SAMD12: variants seen among roughly 807,000 people sequenced by gnomAD.
SAMD12 encodes the protein sterile alpha motif domain containing 12.
SAMD12 carries 9 observed loss-of-function variants against 15.0 expected under a neutral mutation model. The ratio of observed to expected loss-of-function variants is 0.60; its 90% CI spans 0.36 to 1.05. The LOEUF is 1.05. SAMD12 is among the 50% of genes least tolerant of loss of function. SAMD12 has a pLI of 0.01. For synonymous variants in SAMD12, 86 were observed against 90.1 expected (o/e 0.96, Z 0.25); for missense variants, 230 against 234.2 (o/e 0.98, Z 0.12).
At chr8:118,557,014 T>C (rs563399801) in intron 2 of SAMD12, among the ~76,000 whole-genome samples, 54 of 152,036 alleles carry the variant, frequency 3.6e-4, no homozygotes, top group Admixed American at 6.6e-4. Flanking sequence ...TGGGTCCACC[T>C]ACTCATGACA....
intron 2 of SAMD12, among the ~76,000 whole-genome samples, chr8:118,558,684 GA>G (rs1446725482): frequency 2.6e-5 from 4 of 151,894 alleles, no homozygotes; most frequent in African/African-American, 7.3e-5. Context: ...TCAGCCTCCC[GA>G]GTAGCTGGGA....
At chr8:118,595,969 T>A (rs192100494) in intron 1 of SAMD12, among the ~76,000 whole-genome samples, 3 of 152,338 alleles carry the variant, frequency 2.0e-5, no homozygotes, top group African/African-American at 7.2e-5. Flanking sequence ...TTTGGCCATG[T>A]GAATTTGGTC....
the SAMD12 span, among the ~76,000 whole-genome samples, chr8:118,159,519 C>A: frequency 6.6e-6 from 1 of 152,120 alleles, no homozygotes; most frequent in African/African-American, 2.4e-5. Flanking sequence ...GCCCAGTGGG[C>A]CCAAGCAAAA....
At chr8:118,282,826 T>C (rs1427521229) in intron 4 of SAMD12, among the ~76,000 whole-genome samples, 1 of 152,144 alleles carries the variant, frequency 6.6e-6, no homozygotes, top group Non-Finnish European at 1.5e-5. Flanking sequence ...ATATCAGCCA[T>C]AATATTTATA....
the SAMD12 span, among the ~76,000 whole-genome samples, chr8:118,171,153 C>T: frequency 3.9e-5 from 6 of 152,164 alleles, no homozygotes; most frequent in African/African-American, 1.4e-4. Flanking sequence ...GGATGGCTAT[C>T]GTGAAAAGGT....
chr8:118,409,428 C>G (rs919438146), intron 3 of SAMD12, among the ~76,000 whole-genome samples: 8 of 139,490 alleles, frequency 5.7e-5, no homozygotes, highest in African/African-American at 2.1e-4. Flanking sequence ...ATTGAATGTC[C>G]CCTATGTCAA....
intron 4 of SAMD12, among the ~76,000 whole-genome samples, chr8:118,248,542 G>A (rs555940316): frequency 2.0e-5 from 3 of 151,998 alleles, no homozygotes; most frequent in Admixed American, 1.3e-4. Flanking sequence ...AGGATCTTAT[G>A]GCAATCATGA....
At chr8:118,342,063 G>C (rs954570318) in intron 4 of SAMD12, among the ~76,000 whole-genome samples, 2 of 152,164 alleles carry the variant, frequency 1.3e-5, no homozygotes. Flanking sequence ...GCCAAGGTGG[G>C]CAGATCACCT....
At chr8:118,527,163 T>C (rs1825557452) in intron 2 of SAMD12, among the ~76,000 whole-genome samples, 1 of 152,222 alleles carries the variant, frequency 6.6e-6, no homozygotes, top group Non-Finnish European at 1.5e-5. Flanking sequence ...TGTCTCTGTC[T>C]GGATCATTGC....
chr8:118,404,661 C>T (rs904230091), intron 3 of SAMD12, among the ~76,000 whole-genome samples: 6 of 152,080 alleles, frequency 3.9e-5, no homozygotes, highest in Non-Finnish European at 8.8e-5. Flanking sequence ...GCAGATTTCA[C>T]GGGCCAGAAT....
At chr8:118,481,424 G>T (rs900730074) in intron 2 of SAMD12, among the ~76,000 whole-genome samples, 3 of 152,174 alleles carry the variant, frequency 2.0e-5, no homozygotes, top group African/African-American at 7.2e-5. Flanking sequence ...CAGGTTAGCT[G>T]GTTGGCTGCT....
At chr8:118,438,569 G>A (rs1170475158) in intron 3 of SAMD12, among the ~76,000 whole-genome samples, 1 of 152,048 alleles carries the variant, frequency 6.6e-6, no homozygotes, top group Non-Finnish European at 1.5e-5. Context: ...AGGGCTCCAT[G>A]AAACACACAT....
chr8:118,272,394 C>T (rs973611468), intron 4 of SAMD12, among the ~76,000 whole-genome samples: 11 of 152,168 alleles, frequency 7.2e-5, no homozygotes, highest in African/African-American at 2.7e-4. Flanking sequence ...CCTTCCTATG[C>T]CTCTGGGCCT....
chr8:118,352,051 C>T (rs1817988069), intron 4 of SAMD12, among the ~76,000 whole-genome samples: 1 of 152,284 alleles, frequency 6.6e-6, no homozygotes, highest in Non-Finnish European at 1.5e-5. Context: ...TCCTAACTTA[C>T]GAGTAGCAAA....
the SAMD12 span, among the ~76,000 whole-genome samples, chr8:118,149,178 T>G: frequency 6.6e-6 from 1 of 152,222 alleles, no homozygotes; most frequent in Non-Finnish European, 1.5e-5. Flanking sequence ...CACAGCTCAC[T>G]GCAAACTTGA....
chr8:118,515,010 T>A (rs1459899426), intron 2 of SAMD12, among the ~76,000 whole-genome samples: 1 of 151,142 alleles, frequency 6.6e-6, no homozygotes, highest in Non-Finnish European at 1.5e-5. Flanking sequence ...TTTTGTTTGT[T>A]TGTTTGTTTG....
At chr8:118,503,336 T>C (rs995533754) in intron 2 of SAMD12, among the ~76,000 whole-genome samples, 1 of 152,192 alleles carries the variant, frequency 6.6e-6, no homozygotes, top group Non-Finnish European at 1.5e-5. Context: ...CTTAAGTGAT[T>C]ATTTCTGGGG....
intron 4 of SAMD12, among the ~76,000 whole-genome samples, chr8:118,273,089 T>C (rs191246251): frequency 1.3e-4 from 20 of 152,326 alleles, no homozygotes; most frequent in Non-Finnish European, 2.2e-4. Context: ...AATAAAGACA[T>C]ACCTGAGACT....
At chr8:118,310,408 A>G (rs1054826720) in intron 4 of SAMD12, among the ~76,000 whole-genome samples, 3 of 152,192 alleles carry the variant, frequency 2.0e-5, no homozygotes, top group Non-Finnish European at 4.4e-5. Context: ...TTGCAGCTAG[A>G]TTGTAGGTTC....
Sources: gnomAD v4.1 joint callset for allele counts (sites outside exome capture counted in the v4.1 genomes callset) on GRCh38, gnomAD v4.1.1 for gene constraint, MANE v1.5 for transcripts, NCBI Gene and HGNC (gene_info 2026-07-23, HGNC 2026-07-21) for gene names.